The following CSMD1 variants were observed in gnomAD, a reference collection of about 807,000 sequenced individuals.
CSMD1 encodes CUB and sushi domain-containing protein 1.
Under a neutral mutation model 417.5 loss-of-function variants are expected in CSMD1, and 213 were observed. The ratio of observed to expected loss-of-function variants is 0.51; its 90% CI spans 0.46 to 0.57. The LOEUF is 0.57. CSMD1 is among the 20% of genes least tolerant of loss of function. The probability of loss-of-function intolerance (pLI) is 0.00; values close to 1 mark genes in which losing one functional copy is unlikely to be tolerated. For synonymous variants in CSMD1, 2,862 were observed against 1,736.8 expected (o/e 1.65, Z -16.11); for missense variants, 6,923 against 4,529.7 (o/e 1.53, Z -15.17).
intron 5 of CSMD1, among the ~76,000 whole-genome samples, chr8:3,845,697 T>C (rs567820569): frequency 1.1e-4 from 17 of 152,302 alleles, no homozygotes; most frequent in African/African-American, 3.8e-4. Flanking sequence ...CTGTAACATT[T>C]TGTATTTTAT....
At chr8:4,844,718 A>T (rs1801032046) in intron 1 of CSMD1, among the ~76,000 whole-genome samples, 1 of 152,254 alleles carries the variant, frequency 6.6e-6, no homozygotes, top group African/African-American at 2.4e-5. Flanking sequence ...AACTAATTGT[A>T]GTGATAATTA....
intron 2 of CSMD1, among the ~76,000 whole-genome samples, chr8:4,552,617 A>G (rs1431078796): frequency 2.0e-5 from 3 of 151,938 alleles, no homozygotes; most frequent in Admixed American, 6.6e-5. Flanking sequence ...GTGAGTTTCA[A>G]TTGGGGAAAA....
chr8:4,188,575 CT>C (rs1238888630), intron 3 of CSMD1, among the ~76,000 whole-genome samples: 1 of 152,086 alleles, frequency 6.6e-6, no homozygotes, highest in Non-Finnish European at 1.5e-5. Context: ...ACACTGTCAA[CT>C]GACGCGCCCT....
At chr8:4,018,594 C>A (rs898150583) in intron 4 of CSMD1, among the ~76,000 whole-genome samples, 1 of 152,234 alleles carries the variant, frequency 6.6e-6, no homozygotes, top group African/African-American at 2.4e-5. Context: ...CCAGCACCCC[C>A]TGCCCCACTC....
chr8:3,978,146 A>C (rs1201120321), intron 5 of CSMD1, among the ~76,000 whole-genome samples: 6 of 152,136 alleles, frequency 3.9e-5, no homozygotes, highest in Non-Finnish European at 8.8e-5. Flanking sequence ...CCTCAAGAGA[A>C]ACTTCCTCTC....
At chr8:4,210,733 A>G (rs1052869362) in intron 3 of CSMD1, among the ~76,000 whole-genome samples, 2 of 152,230 alleles carry the variant, frequency 1.3e-5, no homozygotes, top group African/African-American at 2.4e-5. Context: ...AAAAATCACA[A>G]AATCTTCAAC....
At chr8:4,080,674 C>G (rs1462194546) in intron 3 of CSMD1, among the ~76,000 whole-genome samples, 3 of 152,162 alleles carry the variant, frequency 2.0e-5, no homozygotes, top group East Asian at 1.9e-4. Context: ...AACAGAATCA[C>G]TGAAAATGGG....
chr8:3,223,177 G>A (rs1205331568), intron 28 of CSMD1, among the ~76,000 whole-genome samples: 1 of 152,158 alleles, frequency 6.6e-6, no homozygotes, highest in Non-Finnish European at 1.5e-5. Context: ...AATGACTACA[G>A]TATTAGACCT....
chr8:3,492,822 C>G (rs920387039), intron 11 of CSMD1, among the ~76,000 whole-genome samples: 1 of 151,726 alleles, frequency 6.6e-6, no homozygotes, highest in Non-Finnish European at 1.5e-5. Context: ...CACTGAGTCA[C>G]CCCCAACACT....
intron 10 of CSMD1, among the ~76,000 whole-genome samples, chr8:3,557,120 CG>C (rs1391223654): frequency 1.3e-5 from 2 of 152,196 alleles, no homozygotes; most frequent in Non-Finnish European, 2.9e-5. Context: ...ATATTACCCA[CG>C]ACTGAGCTTC....
chr8:4,418,739 T>C (rs576816407), intron 3 of CSMD1, among the ~76,000 whole-genome samples: 107 of 152,048 alleles, frequency 7.0e-4, no homozygotes, highest in African/African-American at 2.6e-3. Context: ...TGAAAGCTAA[T>C]AACATCCACT....
rs1239550125 is a variant in CSMD1, at chr8:4,296,828, T to C, written c.415+123125A>G. ...TGTGATTATTGTATTCATCTGAAGA[T>C]ATCTGTGGAGGGCCTGCTATCTCCC... is the stretch of plus-strand genomic sequence containing the variant. On this transcript the variant is annotated intron_variant, in intron 3 of 69. Coordinates refer to ENST00000635120, the MANE Select transcript of CSMD1 (RefSeq NM_033225.6). 2.6e-5 allele frequency among the ~76,000 whole-genome samples: 4 copies of C among 151,074 alleles called. No individual in the cohort carries two copies. The Admixed American group carries it at 2.7e-4, about 10-fold the overall frequency.
At chr8:3,105,827 A>G (rs1023898566) in intron 46 of CSMD1, among the ~76,000 whole-genome samples, 13 of 152,272 alleles carry the variant, frequency 8.5e-5, no homozygotes, top group African/African-American at 2.9e-4. Context: ...GGCTAGAAAG[A>G]TAACAGATAG....
At chr8:4,185,377 C>T (rs1276043985) in intron 3 of CSMD1, among the ~76,000 whole-genome samples, 1 of 151,960 alleles carries the variant, frequency 6.6e-6, no homozygotes, top group Admixed American at 6.6e-5. Flanking sequence ...TTGGACAGGG[C>T]TTTTAAAGTA....
At chr8:4,755,865 C>G (rs1342335916) in intron 1 of CSMD1, among the ~76,000 whole-genome samples, 1 of 152,118 alleles carries the variant, frequency 6.6e-6, no homozygotes, top group Non-Finnish European at 1.5e-5. Flanking sequence ...CAACCTGGTC[C>G]AACGTGAGAA....
At chr8:4,698,467 A>G (rs984392551) in intron 1 of CSMD1, among the ~76,000 whole-genome samples, 1 of 152,304 alleles carries the variant, frequency 6.6e-6, no homozygotes, top group East Asian at 1.9e-4. Context: ...TTATGTTCTC[A>G]TAAGGCAGTT....
At chr8:3,309,053 A>C (rs1277453539) in intron 23 of CSMD1, among the ~76,000 whole-genome samples, 3 of 151,958 alleles carry the variant, frequency 2.0e-5, no homozygotes, top group African/African-American at 7.3e-5. Flanking sequence ...GGAGTTCCAC[A>C]ACTTCATCTG....
rs1309341390 is a variant in CSMD1, at chr8:4,728,112, G to A, written c.86-90554C>T. Among the ~76,000 whole-genome samples, 3 of 146,098 alleles carry A rather than the reference G, an allele frequency of 2.1e-5. No homozygotes were observed. In the East Asian group the frequency reaches 5.9e-4, roughly 29 times the overall value. On this transcript the variant is annotated intron_variant, in intron 1 of 69. Transcript: ENST00000635120. ...AATATGTACATTTGGTATATTTGGTGTATATATTTAGACATAAGATCATAC... is the reference window on the plus strand; with the variant it reads ...AATATGTACATTTGGTATATTTGGTATATATATTTAGACATAAGATCATAC...
At chr8:3,249,682 T>G (rs1800129921) in intron 26 of CSMD1, among the ~76,000 whole-genome samples, 1 of 152,230 alleles carries the variant, frequency 6.6e-6, no homozygotes, top group Non-Finnish European at 1.5e-5. Context: ...ACATGTAATG[T>G]AAATTTTGAG....
Sources: gnomAD v4.1 joint callset for allele counts (sites outside exome capture counted in the v4.1 genomes callset) on GRCh38, gnomAD v4.1.1 for gene constraint, MANE v1.5 for transcripts, NCBI Gene and HGNC (gene_info 2026-07-23, HGNC 2026-07-21) for gene names.